The following TNIP3 variants were observed in gnomAD, a reference collection of about 807,000 sequenced individuals.
TNIP3 encodes TNFAIP3 interacting protein 3, also known as TNFAIP3-interacting protein 3.
In TNIP3, 34 loss-of-function variants were observed where a neutral mutation model predicts 54.1. The observed-to-expected ratio is 0.63, with a 90% CI of 0.48 to 0.84. The LOEUF is 0.84. TNIP3 is among the 40% of genes least tolerant of loss of function. The pLI, the probability that TNIP3 is intolerant of heterozygous loss-of-function variation, is 0.00. For synonymous variants in TNIP3, 134 were observed against 136.8 expected (o/e 0.98, Z 0.14); for missense variants, 366 against 387.6 (o/e 0.94, Z 0.47).
chr4:121,170,789 T>C (rs1440846030), intron 3 of TNIP3, among the ~76,000 whole-genome samples: 1 of 152,168 alleles, frequency 6.6e-6, no homozygotes, highest in Non-Finnish European at 1.5e-5. Flanking sequence ...TTGTTTTATG[T>C]AGCTAATTCT....
At chr4:121,167,081 G>T (rs532580930), upstream of TNIP3, among the ~76,000 whole-genome samples, 3 of 152,130 alleles carry the variant, frequency 2.0e-5, no homozygotes, top group South Asian at 6.2e-4. Flanking sequence ...TTAAAGATAG[G>T]ACCATCAATC....
intron 2 of TNIP3, among the ~76,000 whole-genome samples, chr4:121,215,235 GA>G (rs2148849554): frequency 6.6e-6 from 1 of 152,224 alleles, no homozygotes; most frequent in Non-Finnish European, 1.5e-5. Context: ...CTCTTTTAAT[GA>G]AAACGTTCTC....
chr4:121,203,442 A>T (rs1308737306), intron 2 of TNIP3, among the ~76,000 whole-genome samples: 1 of 152,162 alleles, frequency 6.6e-6, no homozygotes, highest in Non-Finnish European at 1.5e-5. Context: ...CATGAGAATG[A>T]TACAATGGAC....
intron 3 of TNIP3, among the ~76,000 whole-genome samples, chr4:121,181,819 A>G (rs1164463673): frequency 6.6e-6 from 1 of 152,198 alleles, no homozygotes; most frequent in Non-Finnish European, 1.5e-5. Context: ...CAAATTAGTT[A>G]TAAAAGTAAA....
chr4:121,176,658 T>TAA (rs34936208), intron 3 of TNIP3, among the ~76,000 whole-genome samples: 2,193 of 145,378 alleles, frequency 0.015, 27 homozygotes, highest in South Asian at 0.035. Flanking sequence ...AGATTTTGAT[T>TAA]AAAAAAAAAA....
chr4:121,132,888 C>T (rs1728559670), intron 10 of TNIP3, among the ~76,000 whole-genome samples: 1 of 151,954 alleles, frequency 6.6e-6, no homozygotes, highest in Non-Finnish European at 1.5e-5. Flanking sequence ...TAAGTTGTGG[C>T]CTCGTTCTAA....
intron 2 of TNIP3, among the ~76,000 whole-genome samples, chr4:121,197,867 CATGGTATAGATTCACTACT>C (rs1170043484): frequency 6.6e-6 from 1 of 152,152 alleles, no homozygotes; most frequent in Admixed American, 6.5e-5. Context: ...AATGGAATGT[CATGGTATAGATTCACTACT>C]ATTCAAGTGT....
intron 2 of TNIP3, among the ~76,000 whole-genome samples, chr4:121,215,435 T>C (rs1726733538): frequency 6.6e-6 from 1 of 152,174 alleles, no homozygotes; most frequent in African/African-American, 2.4e-5. Context: ...AGCTATTTAG[T>C]CTCTCACTCA....
chr4:121,201,670 A>T (rs1279200548), intron 2 of TNIP3, among the ~76,000 whole-genome samples: 1 of 152,194 alleles, frequency 6.6e-6, no homozygotes, highest in African/African-American at 2.4e-5. Context: ...TGTATTCTAG[A>T]TTAACCAACT....
At chr4:121,222,761 G>A (rs1727080664) in intron 1 of TNIP3, among the ~76,000 whole-genome samples, 1 of 150,062 alleles carries the variant, frequency 6.7e-6, no homozygotes, top group African/African-American at 2.5e-5. Flanking sequence ...TGGTTGTTCT[G>A]CTGAAAATCA....
chr4:121,160,494 A>T (rs750542311), intron 2 of TNIP3, among the ~76,000 whole-genome samples: 5 of 151,574 alleles, frequency 3.3e-5, no homozygotes, highest in Admixed American at 6.6e-5. Flanking sequence ...AAAAAGAAGG[A>T]ATTACAAAAT....
rs1247618279 is a variant in TNIP3, at chr4:121,158,724, T to C, written c.176A>G (p.Gln59Arg). The C allele has an allele frequency of 1.2e-6, 2 of 1,612,976 alleles. No individual in the cohort carries two copies. Among genetic ancestry groups the C allele is most frequent in the Non-Finnish European group, 8.5e-7 (1 of 1,179,730 alleles). Residue 59 changes from glutamine to arginine, a missense_variant, in exon 3 of 11, where the codon CAG becomes CGG. By Grantham distance (43) the Gln-to-Arg change is conservative (BLOSUM62 1). Coordinates refer to ENST00000057513, the MANE Select transcript of TNIP3 (RefSeq NM_024873.6). ...ELLEVNQQWD[Q>R]QFRSMKELYE... ...TAACTCTTTCATACTTCTAAATTGC[T>C]GATCCCATTGCTGGTTAACTTCCAG...
In TNIP3 at chr4:121,157,102, G is replaced by A. The variant is rs765883190; in HGVS notation, c.355C>T (p.Arg119Trp). Residue 119 changes from arginine to tryptophan, a missense_variant, in exon 4 of 11, where the codon CGG becomes TGG. Arg to Trp is a moderately radical substitution (Grantham distance 101). Transcript: ENST00000057513. ...ACCCGGGCCCCGCCCACCTCCTCCCGCTGCAGCCGGTCCCGGGTCAGGTCG... is the reference window on the plus strand; with the variant it reads ...ACCCGGGCCCCGCCCACCTCCTCCCACTGCAGCCGGTCCCGGGTCAGGTCG... Reference protein sequence around the residue: ...QRDLTRDRLQREEKEKERLNE... With the variant: ...QRDLTRDRLQWEEKEKERLNE... 2 of 1,612,352 alleles carry A rather than the reference G, an allele frequency of 1.2e-6. No individual in the cohort carries two copies. The highest frequency in any genetic ancestry group is 3.3e-5 in the Admixed American group (2 of 59,920).
chr4:121,198,873 T>C (rs1192601418), intron 2 of TNIP3, among the ~76,000 whole-genome samples: 4 of 152,202 alleles, frequency 2.6e-5, no homozygotes, highest in Non-Finnish European at 5.9e-5. Context: ...AATATACATA[T>C]AGCTCTGAGG....
At chr4:121,146,978 C>G in intron 7 of TNIP3, 71 bp downstream of exon 7, 6 of 1,516,092 alleles carry the variant, frequency 4.0e-6, no homozygotes, top group Non-Finnish European at 5.3e-6. Flanking sequence ...GAAGTCCAAA[C>G]GTCTTGAATT....
At position 121,155,049 on chromosome 4, in the gene TNIP3, G is replaced by A. The variant is rs545914941; in HGVS notation, c.364-370C>T. Among the ~76,000 whole-genome samples, 15 of 150,520 alleles carry A rather than the reference G, an allele frequency of 1.0e-4. No individual in the cohort carries two copies. In the East Asian group the frequency reaches 1.8e-3, roughly 18 times the overall value. On this transcript the variant is annotated intron_variant, in intron 4 of 10. Coordinates refer to ENST00000057513, the MANE Select transcript of TNIP3 (RefSeq NM_024873.6). ...GTGATCTCAGCTCACTGCAACCTCC[G>A]CCTCCCAGGTTCAAGCAATTCTCCT... is the stretch of plus-strand genomic sequence containing the variant.
At position 121,161,142 on chromosome 4, in the gene TNIP3, T is replaced by C. The variant is rs1345661561; in HGVS notation, c.141A>G (p.Arg47=). 1.3e-6 allele frequency: 2 copies of C among 1,580,784 alleles called. No homozygotes were observed. Among genetic ancestry groups the C allele is most frequent in the African/African-American group, 1.3e-5 (1 of 74,368 alleles). ...EQKIRCLEKQ[R]KELLEVNQQW... is the part of the protein sequence containing the mutation. ...GCGAATATTTCTAAGTTACCTCTTT[T>C]CTTTGTTTTTCCAAACACCTTATCT... The change falls in exon 2 of 11, where the codon AGA becomes AGG. Residue 47 remains arginine, a synonymous_variant. Transcript: ENST00000057513.
chr4:121,181,624 GGT>G lies in TNIP3; in HGVS notation c.189+1050_189+1051del, dbSNP rs3028475. On this transcript the variant is annotated intron_variant, in intron 3 of 12. Transcript: ENST00000507879. ...GTGAAGAGGGTAAGTTAATAAGACA[GGT>G]GTGTGTGTGTGTGTGTGTGTGTGTG... Among the ~76,000 whole-genome samples, 850 of 148,646 alleles carry G rather than the reference GGT, an allele frequency of 5.7e-3. 4 individuals carry two copies. Among genetic ancestry groups the G allele is most frequent in the African/African-American group, 0.018 (747 of 40,704 alleles).
rs1560653334 is a variant in TNIP3, at chr4:121,157,156, C to G, written c.301G>C (p.Asp101His). The change falls in exon 4 of 11, where the codon GAC becomes CAC. Residue 101 changes from aspartate to histidine, a missense_variant. Coordinates refer to ENST00000057513, the MANE Select transcript of TNIP3 (RefSeq NM_024873.6). ...KDPHQRQRKD[D>H]RQREDDRQRD... ...TGCCTGTCGTCCTCTCTCTGCCTGT[C>G]GTCCTTTCTCTGCCTCTGATGCGGA... 1 of 1,517,068 alleles carries G rather than the reference C, an allele frequency of 6.6e-7. No homozygotes were observed. Among genetic ancestry groups the G allele is most frequent in the Non-Finnish European group, 8.9e-7 (1 of 1,124,072 alleles). The allele number at this position is 1,517,068 out of a possible 1,614,324, so 94.0% of individuals were successfully genotyped here. A position where few individuals can be genotyped will look rare whatever the true frequency, so the allele number is the denominator to read the frequency against.
Sources: allele counts gnomAD v4.1 joint callset (sites outside exome capture counted in the v4.1 genomes callset), GRCh38; gene constraint gnomAD v4.1.1; transcripts MANE v1.5; gene names NCBI Gene and HGNC (gene_info 2026-07-23, HGNC 2026-07-21).